Variants in ECT2 observed in about 807,000 individuals in gnomAD.
ECT2 encodes epithelial cell transforming 2.
A neutral mutation model predicts 116.9 loss-of-function variants in ECT2; 61 were observed. The ratio of observed to expected loss-of-function variants is 0.52; its 90% CI spans 0.42 to 0.65. ECT2 has a LOEUF of 0.65. Ranked by LOEUF, ECT2 falls within the 30% of genes least tolerant of loss-of-function variation. The pLI is 0.00. For synonymous variants in ECT2, 358 were observed against 346.4 expected (o/e 1.03, Z -0.37); for missense variants, 937 against 1,078.7 (o/e 0.87, Z 1.84).
At chr3:172,774,697 T>G (rs1434473993) in intron 14 of ECT2, among the ~76,000 whole-genome samples, 4 of 152,122 alleles carry the variant, frequency 2.6e-5, no homozygotes, top group African/African-American at 4.8e-5. Context: ...CAGGGCAGGG[T>G]CTTGCTGTGT....
chr3:172,782,251 T>G lies in ECT2; in HGVS notation c.1617+20T>G. ...AAATATGTAAGTATTGTATTTCTTT[T>G]TTAAGTTTTCAGATTAAAATATGAT... On this transcript the variant is annotated intron_variant, in intron 15 of 24. Transcript: ENST00000392692. 2 of 1,423,512 alleles carry G rather than the reference T, an allele frequency of 1.4e-6. No homozygotes were observed. The highest frequency in any genetic ancestry group is 9.5e-7 in the Non-Finnish European group (1 of 1,056,364). The allele number at this position is 1,423,512 out of a possible 1,614,324, so 88.2% of individuals were successfully genotyped here.
downstream of ECT2, among the ~76,000 whole-genome samples, chr3:172,823,933 C>CTTTTTTTTTTT (rs71162315): frequency 7.9e-6 from 1 of 126,644 alleles, no homozygotes; most frequent in Non-Finnish European, 1.7e-5. Flanking sequence ...AAGTTTTTCT[C>CTTTTTTTTTTT]TTTTTTTTTT....
At chr3:172,789,056 T>C (rs1576957915) in intron 18 of ECT2, among the ~76,000 whole-genome samples, 1 of 49,240 alleles carries the variant, frequency 2.0e-5, no homozygotes, top group African/African-American at 5.3e-5. Context: ...AGACTCTGTC[T>C]CAAAAAAAAA....
intron 11 of ECT2, 74 bp downstream of exon 11, chr3:172,763,046 G>A: frequency 6.8e-7 from 1 of 1,474,034 alleles, no homozygotes; most frequent in African/African-American, 1.4e-5. Context: ...TGTCCAGAAG[G>A]TTTAGAAGCA....
chr3:172,780,462 A>G (rs1317008812), intron 14 of ECT2, among the ~76,000 whole-genome samples: 1 of 152,184 alleles, frequency 6.6e-6, no homozygotes, highest in East Asian at 1.9e-4. Context: ...GTAGATACCT[A>G]GGAGTAGCAT....
At position 172,755,277 on chromosome 3, in the gene ECT2, C is replaced by T. The variant is rs568801980; in HGVS notation, c.131-18C>T. The T allele has an allele frequency of 3.8e-6, 6 of 1,580,314 alleles. No homozygotes were observed. In the African/African-American group the frequency reaches 8.3e-5, roughly 22 times the overall value. ...TGTTAATACATGATAAACATTGAAACATTTTACATTTTAACAGAAGAGATG... is the reference window on the plus strand; with the variant it reads ...TGTTAATACATGATAAACATTGAAATATTTTACATTTTAACAGAAGAGATG... On this transcript the variant is annotated intron_variant, in intron 2 of 24. Transcript: ENST00000392692.
In ECT2 at chr3:172,807,883, C is replaced by G. The variant is rs899954610; in HGVS notation, c.2359C>G (p.Leu787Val). 5 of 1,613,886 alleles carry G rather than the reference C, an allele frequency of 3.1e-6. No individual in the cohort carries two copies. The highest frequency in any genetic ancestry group is 3.3e-5 in the Admixed American group (2 of 60,012). ...ELPKENWLKM[L>V]CRHVANTICK... is the part of the protein sequence containing the mutation. ...TCCAAAAGAAAACTGGCTAAAGATG[C>G]TGTGTCGACATGTAGCTAACACCAT... Residue 787 changes from leucine to valine, a missense_variant, in exon 22 of 25, where the codon CTG (leucine) becomes GTG (valine). Leu to Val is a conservative substitution (Grantham distance 32, BLOSUM62 1). Coordinates refer to ENST00000392692, the MANE Select transcript of ECT2 (RefSeq NM_001258315.2).
chr3:172,754,780 ATATT>A, intron 2 of ECT2, 120 bp downstream of exon 2: 1 of 733,498 alleles, frequency 1.4e-6, no homozygotes, highest in Non-Finnish European at 2.1e-6. Flanking sequence ...TATTAAGTAA[ATATT>A]TGTTTACAGA....
chr3:172,755,311 T>C lies in ECT2; in HGVS notation c.147T>C (p.Ile49=), dbSNP rs750178071. ...TSYVEEEMPQ[I]ETRVILVQEA... ...TTTTAACAGAAGAGATGCCTCAGAT[T>C]GAAACAAGAGTGATATTGGTTCAAG... Residue 49 remains isoleucine (I), a synonymous_variant, in exon 3 of 25, where the codon ATT becomes ATC. Transcript: ENST00000392692. The C allele has an allele frequency of 6.2e-7, 1 of 1,603,852 alleles. No homozygotes were observed. Among genetic ancestry groups the C allele is most frequent in the Non-Finnish European group, 8.5e-7 (1 of 1,177,616 alleles).
chr3:172,756,887 T>G, intron 4 of ECT2, 96 bp from the exon 5 acceptor site: 2 of 1,020,852 alleles, frequency 2.0e-6, no homozygotes, highest in Non-Finnish European at 2.9e-6. Context: ...CATGTTAAAG[T>G]TGATATTGAA....
intron 14 of ECT2, among the ~76,000 whole-genome samples, chr3:172,780,384 A>G (rs938947543): frequency 5.9e-5 from 9 of 152,152 alleles, no homozygotes; most frequent in African/African-American, 1.7e-4. Context: ...ATTTTTGGCT[A>G]TTATGAATAA....
At chr3:172,807,631 T>A in intron 21 of ECT2, 139 bp from the exon 22 acceptor site, 1 of 969,096 alleles carries the variant, frequency 1.0e-6, no homozygotes, top group African/African-American at 1.6e-5. Flanking sequence ...CTTTGTCTTA[T>A]TAAAAATAGG....
chr3:172,829,075 G>A, the ECT2 span: 1 of 705,042 alleles, frequency 1.4e-6, no homozygotes, highest in East Asian at 2.8e-5. Context: ...TGAACTCTCT[G>A]GGCTATTCAA....
intron 13 of ECT2, among the ~76,000 whole-genome samples, chr3:172,771,097 C>G (rs535435721): frequency 2.0e-5 from 3 of 152,080 alleles, no homozygotes; most frequent in Non-Finnish European, 2.9e-5. Flanking sequence ...GCAGCTGGTA[C>G]ACATGAAATT....
intron 14 of ECT2, among the ~76,000 whole-genome samples, chr3:172,774,258 T>C (rs10433468): frequency 0.53 from 80,511 of 152,046 alleles, 22,179 homozygotes; most frequent in East Asian, 0.69. Context: ...AGTGCATTGA[T>C]GTGATCTGGG....
chr3:172,815,209 C>T (rs966443087), intron 22 of ECT2, among the ~76,000 whole-genome samples: 3 of 152,112 alleles, frequency 2.0e-5, no homozygotes. Flanking sequence ...TGATTGAGGA[C>T]AAAAGGGTAA....
Position 172,802,656 on chromosome 3 carries a change from C to G in ECT2, c.1948C>G (p.Gln650Glu), listed in dbSNP as rs758308452. Reference protein sequence around the residue: ...EDKRKTEAQKQIFDVVYEVDG... With the variant: ...EDKRKTEAQKEIFDVVYEVDG... Reference sequence around the variant, plus strand: ...TAAGAGAAAAACAGAAGCTCAAAAGCAAATTTTTGATGTTGTTTATGAAGT... The same window carrying G: ...TAAGAGAAAAACAGAAGCTCAAAAGGAAATTTTTGATGTTGTTTATGAAGT... Residue 650 changes from glutamine to glutamate, a missense_variant, in exon 19 of 25, where the codon CAA becomes GAA. By Grantham distance (29) the Gln-to-Glu change is conservative. Transcript: ENST00000392692. 1 of 1,603,088 alleles carries G rather than the reference C, an allele frequency of 6.2e-7. No homozygotes were observed. The highest frequency in any genetic ancestry group is 8.5e-7 in the Non-Finnish European group (1 of 1,174,836).
intron 5 of ECT2, among the ~76,000 whole-genome samples, chr3:172,758,649 A>G (rs965754278): frequency 2.0e-5 from 3 of 152,178 alleles, no homozygotes; most frequent in East Asian, 3.8e-4. Context: ...AGAATCATCT[A>G]TAGTAGTGTA....
rs201764667 is a variant in ECT2 at position 172,802,634 on chromosome 3, G to A, written c.1926G>A (p.Lys642=). The A allele has an allele frequency of 2.4e-5, 38 of 1,594,776 alleles. No individual in the cohort carries two copies. The Middle Eastern group carries it at 6.7e-4, about 28-fold the overall frequency. ...KEVMTHINED[K]RKTEAQKQIF... ...TTTTCAGGCATATTAATGAGGATAA[G>A]AGAAAAACAGAAGCTCAAAAGCAAA... Residue 642 remains lysine, a synonymous_variant, in exon 19 of 25, where the codon AAG becomes AAA. Coordinates refer to ENST00000392692, the MANE Select transcript of ECT2 (RefSeq NM_001258315.2).
Sources: gnomAD v4.1 joint callset for allele counts (sites outside exome capture counted in the v4.1 genomes callset) on GRCh38, gnomAD v4.1.1 for gene constraint, MANE v1.5 for transcripts, NCBI Gene and HGNC (gene_info 2026-07-23, HGNC 2026-07-21) for gene names.